The following ORC5 variants were observed in gnomAD, a reference collection of about 807,000 sequenced individuals.
The protein encoded by ORC5 is protein phosphatase 1, regulatory subunit 117.
A neutral mutation model predicts 58.8 loss-of-function variants in ORC5; 39 were observed. The observed-to-expected ratio is 0.66, with a 90% confidence interval of 0.51 to 0.87. The LOEUF (loss-of-function observed/expected upper bound fraction) is 0.87, where lower values mean the gene tolerates loss of function less well. Ranked by LOEUF, ORC5 falls within the 40% of genes least tolerant of loss-of-function variation. The pLI is 0.00. For missense variants in ORC5, 493 were observed against 506.3 expected, an observed-to-expected ratio of 0.97 and a Z score of 0.25; for synonymous variants, 218 against 177.6, an observed-to-expected ratio of 1.23 and a Z score of -1.81.
chr7:104,179,506 A>C (rs1799391498), intron 8 of ORC5, among the ~76,000 whole-genome samples: 1 of 152,084 alleles, frequency 6.6e-6, no homozygotes, highest in Non-Finnish European at 1.5e-5. Flanking sequence ...CACAATATAA[A>C]ACTAAAACTT....
At chr7:104,137,102 G>GTT (rs555220622) in intron 12 of ORC5, among the ~76,000 whole-genome samples, 4 of 137,640 alleles carry the variant, frequency 2.9e-5, no homozygotes, top group Non-Finnish European at 3.2e-5. Context: ...TCCTAGTTTT[G>GTT]TTTTTTTTTT....
intron 13 of ORC5, among the ~76,000 whole-genome samples, chr7:104,135,971 C>T (rs1024025660): frequency 4.6e-5 from 7 of 152,134 alleles, no homozygotes; most frequent in African/African-American, 1.7e-4. Context: ...CCAGCTGCAA[C>T]CGTATGATGA....
rs1447491860 is a variant in ORC5 at position 104,133,458 on chromosome 7, A to G, written c.1262+3323T>C. Among the ~76,000 whole-genome samples the G allele has an allele frequency of 1.3e-5, 2 of 152,310 alleles. No individual in the cohort carries two copies. The highest frequency in any genetic ancestry group is 2.1e-4 in the South Asian group (1 of 4,832). On this transcript the variant is annotated intron_variant, in intron 13 of 13. Coordinates refer to ENST00000297431, the MANE Select transcript of ORC5 (RefSeq NM_002553.4). This position sits in a 1 kb window ranked among gnomAD's most constrained non-coding sequence, Gnocchi z 4.7. ...AACACAGCAGACTGCAGTGCTTATC[A>G]CTGAAATAAGAAACACTGGAGGAAA...
At position 104,136,934 on chromosome 7, in the gene ORC5, T is replaced by C; in HGVS notation, c.1150-41A>G. The C allele has an allele frequency of 7.5e-7, 1 of 1,340,220 alleles. No individual in the cohort carries two copies. 83.0% of individuals were successfully genotyped at this position (1,340,220 alleles called of 1,614,324 possible). The stretch of plus-strand genomic sequence containing the variant: ...TTTATAAGAAACTGTTTTAATAAGA[T>C]TATGTAATACTTTTGTTTCTGAAAC... On this transcript the variant is annotated intron_variant, in intron 12 of 13. Coordinates refer to ENST00000297431, the MANE Select transcript of ORC5 (RefSeq NM_002553.4). The surrounding 1 kb of genome is among the most constrained non-coding windows in gnomAD (Gnocchi z 4.2).
intron 8 of ORC5, among the ~76,000 whole-genome samples, chr7:104,175,568 G>C (rs1419251030): frequency 6.6e-6 from 1 of 152,172 alleles, no homozygotes; most frequent in Non-Finnish European, 1.5e-5. Context: ...TGATGGAACA[G>C]TTAATTTAAG....
intron 5 of ORC5, among the ~76,000 whole-genome samples, chr7:104,192,260 T>C (rs1355411525): frequency 6.6e-6 from 1 of 152,150 alleles, no homozygotes; most frequent in East Asian, 1.9e-4. Context: ...CCTCAAGTCT[T>C]AGCTTAATAC....
intron 11 of ORC5, among the ~76,000 whole-genome samples, chr7:104,162,810 T>C (rs1388235797): frequency 6.6e-6 from 1 of 152,226 alleles, no homozygotes; most frequent in Non-Finnish European, 1.5e-5. Context: ...TCTCCCATCC[T>C]ATTCTCCCTT....
chr7:104,140,529 TG>T (rs1461306529), intron 12 of ORC5, among the ~76,000 whole-genome samples: 2 of 152,208 alleles, frequency 1.3e-5, no homozygotes, highest in African/African-American at 4.8e-5. Flanking sequence ...GTTTTGTTTC[TG>T]GGGGATCACA....
chr7:104,172,887 T>C (rs562760467), intron 8 of ORC5, among the ~76,000 whole-genome samples: 96 of 152,106 alleles, frequency 6.3e-4, no homozygotes, highest in African/African-American at 2.2e-3. Flanking sequence ...TAACGGTTCA[T>C]ATATTTATTT....
At chr7:104,190,198 C>T (rs765725194) in intron 5 of ORC5, among the ~76,000 whole-genome samples, 2 of 151,850 alleles carry the variant, frequency 1.3e-5, no homozygotes. Context: ...ACAATGACAT[C>T]TAAAGAAAAT....
chr7:104,166,591 C>T (rs151196592), intron 10 of ORC5, among the ~76,000 whole-genome samples, 181 bp downstream of exon 10: 157 of 152,246 alleles, frequency 1.0e-3, no homozygotes, highest in Middle Eastern at 0.01. Context: ...ATGAAACTGC[C>T]TACCTTTTCT....
chr7:104,177,438 T>G (rs1562819792), intron 8 of ORC5, among the ~76,000 whole-genome samples: 1 of 152,104 alleles, frequency 6.6e-6, no homozygotes, highest in South Asian at 2.1e-4. Flanking sequence ...GTGACAAAAT[T>G]TCTTGCTTCC....
At chr7:104,178,428 T>A (rs1799366162) in intron 8 of ORC5, among the ~76,000 whole-genome samples, 1 of 152,218 alleles carries the variant, frequency 6.6e-6, no homozygotes, top group African/African-American at 2.4e-5. Flanking sequence ...TCTTGTAAGT[T>A]TGTTAAAGTT....
chr7:104,178,990 A>C (rs1799379053), intron 8 of ORC5, among the ~76,000 whole-genome samples: 1 of 152,210 alleles, frequency 6.6e-6, no homozygotes, highest in African/African-American at 2.4e-5. Flanking sequence ...TATTTTAGAA[A>C]GTAAATTTAA....
At chr7:104,166,131 T>A in intron 10 of ORC5, among the ~76,000 whole-genome samples, 1 of 151,962 alleles carries the variant, frequency 6.6e-6, no homozygotes, top group Non-Finnish European at 1.5e-5. Context: ...AAAGCAAACA[T>A]CATGTGAAAT....
intron 3 of ORC5, among the ~76,000 whole-genome samples, chr7:104,199,199 G>A (rs1290619172): frequency 6.6e-6 from 1 of 152,170 alleles, no homozygotes; most frequent in Non-Finnish European, 1.5e-5. Context: ...GCCTAGTGGA[G>A]CTATGAGAAG....
chr7:104,164,120 T>C (rs542075860), intron 11 of ORC5, among the ~76,000 whole-genome samples: 83 of 152,286 alleles, frequency 5.5e-4, no homozygotes, highest in Non-Finnish European at 9.7e-4. Context: ...AATGAGTCTT[T>C]AAAAATTCGA....
intron 12 of ORC5, among the ~76,000 whole-genome samples, chr7:104,148,198 G>C (rs755745589): frequency 4.6e-5 from 7 of 152,182 alleles, no homozygotes; most frequent in African/African-American, 1.7e-4. Flanking sequence ...CACCACCTCA[G>C]AGAGGTGAGT....
chr7:104,163,343 T>C (rs1799054663), intron 11 of ORC5, among the ~76,000 whole-genome samples: 1 of 152,232 alleles, frequency 6.6e-6, no homozygotes, highest in Non-Finnish European at 1.5e-5. Context: ...TCACCTTCTT[T>C]CCCTTTAGTG....
Sources: allele counts gnomAD v4.1 joint callset (sites outside exome capture counted in the v4.1 genomes callset), GRCh38; gene constraint gnomAD v4.1.1; non-coding constraint Gnocchi (gnomAD v3.1); transcripts MANE v1.5; gene names NCBI Gene and HGNC (gene_info 2026-07-23, HGNC 2026-07-21).